NLN: variants seen among roughly 807,000 people sequenced by gnomAD.
NLN encodes the protein neurolysin, also known as neurolysin, mitochondrial.
In NLN, 64 loss-of-function variants were observed where a neutral mutation model predicts 79.9. That is an observed-to-expected ratio of 0.80 (90% CI 0.65 to 0.99). NLN has a LOEUF of 0.99. NLN is among the 50% of genes least tolerant of loss of function. The probability of loss-of-function intolerance (pLI) is 0.00; values close to 1 mark genes in which losing one functional copy is unlikely to be tolerated. For synonymous variants in NLN, 267 were observed against 296.6 expected (o/e 0.90, Z 1.02); for missense variants, 835 against 858.7 (o/e 0.97, Z 0.34).
At chr5:65,812,171 T>G in intron 11 of NLN, 84 bp from the exon 12 acceptor site, 3 of 1,154,806 alleles carry the variant, frequency 2.6e-6, no homozygotes, top group Non-Finnish European at 2.6e-6. Flanking sequence ...ACAGCTGGCC[T>G]CCTCAGAGGG....
At chr5:65,786,097 G>T (rs991949616) in intron 7 of NLN, 187 bp downstream of exon 7, 2 of 467,430 alleles carry the variant, frequency 4.3e-6, no homozygotes, top group Non-Finnish European at 7.5e-6. Flanking sequence ...TATATTGCTA[G>T]TATAGGCCTG....
intron 1 of NLN, among the ~76,000 whole-genome samples, chr5:65,737,545 A>G (rs555664527): frequency 6.6e-6 from 1 of 152,302 alleles, no homozygotes; most frequent in East Asian, 1.9e-4. Flanking sequence ...AAATATATTC[A>G]TTGAATGGAT....
chr5:65,821,807 C>A lies in NLN; in HGVS notation c.1981-974C>A, dbSNP rs11960221. 7.9e-3 allele frequency among the ~76,000 whole-genome samples: 1,195 copies of A among 152,206 alleles called. 11 individuals are homozygous for A. Among genetic ancestry groups the A allele is most frequent in the African/African-American group, 0.025 (1,056 of 41,514 alleles). Reference sequence around the variant, plus strand: ...GTTCTTATGGCCCTAGGACATAAATCATTTTGTGTCTGACTTGGTAGATTT... The same window carrying A: ...GTTCTTATGGCCCTAGGACATAAATAATTTTGTGTCTGACTTGGTAGATTT... On this transcript the variant is annotated intron_variant, in intron 12 of 12. Coordinates refer to ENST00000380985, the MANE Select transcript of NLN (RefSeq NM_020726.5).
rs1760941867 is a variant in NLN at position 65,827,443 on chromosome 5, T to C, written c.*4528T>C. 1 of 152,196 alleles carries C rather than the reference T, an allele frequency of 6.6e-6. No homozygotes were observed. The highest frequency in any genetic ancestry group is 1.5e-5 in the Non-Finnish European group (1 of 68,026). The allele number at this position is 152,196 out of a possible 1,614,324, so 9.4% of individuals were successfully genotyped here. A position where few individuals can be genotyped will look rare whatever the true frequency, so the allele number is the denominator to read the frequency against. ...GATAAAATGTCTCTAGCATTTGTCA[T>C]GAGAGAAACTGGCTAGAAATAGTTT... On this transcript the variant is annotated 3_prime_UTR_variant, in exon 13 of 13. Coordinates refer to ENST00000380985, the MANE Select transcript of NLN (RefSeq NM_020726.5).
intron 1 of NLN, among the ~76,000 whole-genome samples, chr5:65,745,918 T>G (rs1758967021): frequency 6.6e-6 from 1 of 152,152 alleles, no homozygotes. Context: ...GTCCTTGAGA[T>G]AAGAAATAAA....
At chr5:65,815,577 A>G (rs1760651937) in intron 12 of NLN, among the ~76,000 whole-genome samples, 1 of 152,138 alleles carries the variant, frequency 6.6e-6, no homozygotes, top group Non-Finnish European at 1.5e-5. Context: ...CTTTCCTTTC[A>G]AATGCTCTGA....
intron 3 of NLN, among the ~76,000 whole-genome samples, chr5:65,765,376 G>T (rs142135677): frequency 1.1e-4 from 17 of 152,276 alleles, no homozygotes; most frequent in African/African-American, 3.6e-4. Flanking sequence ...AAATTAGCCA[G>T]GTGTGGTGGC....
At chr5:65,789,407 A>T (rs1760007180) in intron 8 of NLN, among the ~76,000 whole-genome samples, 1 of 152,256 alleles carries the variant, frequency 6.6e-6, no homozygotes, top group Non-Finnish European at 1.5e-5. Context: ...CACATAGCAA[A>T]GGCTTAATCA....
At chr5:65,754,000 A>T (rs1259113730) in intron 1 of NLN, among the ~76,000 whole-genome samples, 6 of 152,040 alleles carry the variant, frequency 3.9e-5, no homozygotes, top group Non-Finnish European at 5.9e-5. Flanking sequence ...GAGACCCTCT[A>T]CTCATCTGCC....
At chr5:65,779,155 C>T (rs898001761) in intron 4 of NLN, among the ~76,000 whole-genome samples, 1 of 152,120 alleles carries the variant, frequency 6.6e-6, no homozygotes, top group Non-Finnish European at 1.5e-5. Context: ...CAAAATTACA[C>T]GGAGGGCTTA....
At chr5:65,799,381 GA>G (rs1336773406) in intron 9 of NLN, among the ~76,000 whole-genome samples, 3 of 152,024 alleles carry the variant, frequency 2.0e-5, no homozygotes, top group Non-Finnish European at 2.9e-5. Context: ...TTTAAGTATT[GA>G]AAAAAAGTAG....
chr5:65,823,125 T>C lies in NLN; in HGVS notation c.*210T>C, dbSNP rs1384994446. 4.6e-6 allele frequency: 2 copies of C among 436,464 alleles called. No homozygotes were observed. The highest frequency in any genetic ancestry group is 7.5e-5 in the East Asian group (2 of 26,714). 27.0% of individuals were successfully genotyped at this position (436,464 alleles called of 1,614,324 possible). A position where few individuals can be genotyped will look rare whatever the true frequency, so the allele number is the denominator to read the frequency against. Reference sequence around the variant, plus strand: ...GACCCACTAGAAAGTAATTGTACTATAAAATTTCATAAAACTGGATTTGAT... The same window carrying C: ...GACCCACTAGAAAGTAATTGTACTACAAAATTTCATAAAACTGGATTTGAT... On this transcript the variant is annotated 3_prime_UTR_variant, in exon 13 of 13. Coordinates refer to ENST00000380985, the MANE Select transcript of NLN (RefSeq NM_020726.5).
intron 9 of NLN, among the ~76,000 whole-genome samples, chr5:65,803,119 G>A (rs1308529760): frequency 1.3e-5 from 2 of 152,158 alleles, no homozygotes; most frequent in Non-Finnish European, 2.9e-5. Context: ...TTGGCTTATG[G>A]GTGGGCCTGG....
intron 12 of NLN, among the ~76,000 whole-genome samples, chr5:65,818,384 T>G (rs1027952081): frequency 2.6e-5 from 4 of 152,162 alleles, no homozygotes; most frequent in African/African-American, 9.7e-5. Context: ...CTTCCACTTC[T>G]CTACCCCCCC....
chr5:65,762,162 A>G (rs1268851993), intron 2 of NLN, among the ~76,000 whole-genome samples: 1 of 152,186 alleles, frequency 6.6e-6, no homozygotes, highest in African/African-American at 2.4e-5. Context: ...GACTGTCTCC[A>G]ATGTCTGGCT....
chr5:65,767,335 T>G (rs1335788198), intron 3 of NLN, among the ~76,000 whole-genome samples: 5 of 152,184 alleles, frequency 3.3e-5, no homozygotes, highest in Admixed American at 1.3e-4. Flanking sequence ...CAATACCATG[T>G]GGAAACCACC....
intron 1 of NLN, among the ~76,000 whole-genome samples, chr5:65,748,324 A>G (rs924635692): frequency 9.8e-5 from 15 of 152,336 alleles, no homozygotes; most frequent in Admixed American, 6.5e-4. Context: ...AAAACTAAGA[A>G]TCATGGGAGT....
At chr5:65,737,113 G>A (rs909735261) in intron 1 of NLN, among the ~76,000 whole-genome samples, 3 of 151,890 alleles carry the variant, frequency 2.0e-5, no homozygotes, top group Non-Finnish European at 2.9e-5. Flanking sequence ...CAGCCTATGC[G>A]ACAGAGGGAG....
chr5:65,787,416 T>C (rs866931531), intron 7 of NLN, among the ~76,000 whole-genome samples: 1 of 152,196 alleles, frequency 6.6e-6, no homozygotes, highest in South Asian at 2.1e-4. Flanking sequence ...ATCTCTCACA[T>C]TGTGAGGTTG....
Sources: gnomAD v4.1 joint callset for allele counts (sites outside exome capture counted in the v4.1 genomes callset) on GRCh38, gnomAD v4.1.1 for gene constraint, MANE v1.5 for transcripts, NCBI Gene and HGNC (gene_info 2026-07-23, HGNC 2026-07-21) for gene names.